GRID2: variants seen among roughly 807,000 people sequenced by gnomAD.
GRID2 encodes the protein glutamate receptor ionotropic, delta-2.
GRID2 carries 33 observed loss-of-function variants against 114.8 expected under a neutral mutation model. That is an observed-to-expected ratio of 0.29 (90% CI 0.22 to 0.38). The LOEUF (loss-of-function observed/expected upper bound fraction) is 0.38. GRID2 is among the 10% of genes least tolerant of loss of function. The pLI is 1.00. For missense variants in GRID2, 1,184 were observed against 1,257.7 expected (o/e 0.94, Z 0.89); for synonymous variants, 505 against 449.9 (o/e 1.12, Z -1.55).
intron 2 of GRID2, among the ~76,000 whole-genome samples, chr4:92,952,371 T>A (rs1578581831): frequency 6.6e-6 from 1 of 152,234 alleles, no homozygotes; most frequent in South Asian, 2.1e-4. Flanking sequence ...TCATTGAGGA[T>A]AATAGATCTC....
chr4:92,452,992 A>G (rs184855682), intron 1 of GRID2, among the ~76,000 whole-genome samples: 2 of 151,136 alleles, frequency 1.3e-5, no homozygotes, highest in Admixed American at 1.3e-4. Context: ...TTGTTAGTCT[A>G]TGTATCCATG....
At chr4:92,650,051 A>G (rs1267529273) in intron 2 of GRID2, among the ~76,000 whole-genome samples, 1 of 152,064 alleles carries the variant, frequency 6.6e-6, no homozygotes, top group Non-Finnish European at 1.5e-5. Context: ...TTGAACCATC[A>G]TAAGCTGGGG....
rs562999046 is a variant in GRID2 at position 93,561,742 on chromosome 4, T to G, written c.2193+46331T>G. On this transcript the variant is annotated intron_variant, in intron 13 of 15. Transcript: ENST00000282020. ...CTGATCTTATTACTGCTTCCATACT[T>G]TTGTCTTTCCCAGAATATCATGCAA... Among the ~76,000 whole-genome samples the G allele has an allele frequency of 3.3e-5, 5 of 152,256 alleles. No individual in the cohort carries two copies. In the East Asian group the frequency reaches 9.7e-4, roughly 29 times the overall value.
At chr4:93,274,658 C>A (rs761809244) in intron 8 of GRID2, among the ~76,000 whole-genome samples, 11 of 151,916 alleles carry the variant, frequency 7.2e-5, no homozygotes, top group Non-Finnish European at 1.5e-4. Context: ...CTTCCATGTA[C>A]CAGTAGGAAC....
At chr4:93,340,505 G>C (rs1290430137) in intron 8 of GRID2, among the ~76,000 whole-genome samples, 1 of 151,958 alleles carries the variant, frequency 6.6e-6, no homozygotes, top group Admixed American at 6.6e-5. Context: ...AATTAGAAGG[G>C]GAGGAGTTTT....
intron 1 of GRID2, among the ~76,000 whole-genome samples, chr4:92,552,487 G>T (rs1195676364): frequency 2.6e-5 from 4 of 152,124 alleles, no homozygotes; most frequent in Non-Finnish European, 4.4e-5. Flanking sequence ...ACTGCAAAAT[G>T]GTGTGAAGTA....
At chr4:93,056,355 T>G (rs1042025297) in intron 2 of GRID2, among the ~76,000 whole-genome samples, 6 of 151,890 alleles carry the variant, frequency 4.0e-5, no homozygotes, top group African/African-American at 1.4e-4. Flanking sequence ...TTCACTTGAT[T>G]ATAAAGCTCC....
In GRID2 at chr4:93,515,408, A is replaced by T; in HGVS notation, c.2190A>T (p.Gln730His). 6.3e-7 allele frequency: 1 copy of T among 1,599,922 alleles called. No individual in the cohort carries two copies. Among genetic ancestry groups the T allele is most frequent in the Non-Finnish European group, 8.6e-7 (1 of 1,167,788 alleles). Residue 730 changes from glutamine to histidine, a missense_variant, in exon 13 of 16, where the codon CAA (glutamine) becomes CAT (histidine). This residue lies in a region of GRID2 where 717 missense variants were observed against 796.9 expected (regional missense o/e 0.90). Transcript: ENST00000282020. The stretch of plus-strand genomic sequence containing the variant: ...TTCTGGAGTCCCAGGCAGGCATTCA[A>T]AAGGTACTGTCCATGGTTCTCCTTT... Reference protein sequence around the residue: ...NNVLESQAGIQKVKYGNYAFV... With the variant: ...NNVLESQAGIHKVKYGNYAFV...
chr4:93,060,289 T>C (rs572691831), intron 2 of GRID2, among the ~76,000 whole-genome samples: 2 of 152,064 alleles, frequency 1.3e-5, no homozygotes, highest in African/African-American at 4.8e-5. Flanking sequence ...TTTGGAAAAA[T>C]AAAAAATTGG....
chr4:92,514,425 T>G (rs370102244), intron 1 of GRID2, among the ~76,000 whole-genome samples: 4 of 151,842 alleles, frequency 2.6e-5, no homozygotes, highest in African/African-American at 9.7e-5. Flanking sequence ...TTTAGGTAAT[T>G]TACATACATT....
At chr4:93,143,218 A>G (rs1003112192) in intron 4 of GRID2, among the ~76,000 whole-genome samples, 3 of 152,228 alleles carry the variant, frequency 2.0e-5, no homozygotes, top group African/African-American at 7.2e-5. Context: ...AATATATGTT[A>G]AAACCACTTG....
At chr4:93,333,843 T>C (rs1250618506) in intron 8 of GRID2, among the ~76,000 whole-genome samples, 1 of 150,270 alleles carries the variant, frequency 6.7e-6, no homozygotes, top group Non-Finnish European at 1.5e-5. Context: ...TCTTTTTATC[T>C]TGTATTTAAG....
chr4:93,647,138 T>A (rs1198678086), intron 14 of GRID2, among the ~76,000 whole-genome samples: 1 of 152,158 alleles, frequency 6.6e-6, no homozygotes, highest in Non-Finnish European at 1.5e-5. Context: ...TTAGTAGTTA[T>A]TAAGGGATGC....
Position 93,029,952 on chromosome 4 carries a change from G to C in GRID2, c.245-55043G>C, listed in dbSNP as rs921867456. 3.5e-4 allele frequency among the ~76,000 whole-genome samples: 53 copies of C among 152,170 alleles called. 1 individual carries two copies. Among genetic ancestry groups the C allele is most frequent in the African/African-American group, 1.3e-3 (52 of 41,454 alleles). Reference sequence around the variant, plus strand: ...AAATAAAACTGCATGAGGGCTAACAGCTGCTCTTAGAGTACTGCATGTCCC... The same window carrying C: ...AAATAAAACTGCATGAGGGCTAACACCTGCTCTTAGAGTACTGCATGTCCC... On this transcript the variant is annotated intron_variant, in intron 2 of 15. Transcript: ENST00000282020.
chr4:93,088,475 T>G (rs1730514733), intron 3 of GRID2, among the ~76,000 whole-genome samples: 1 of 152,106 alleles, frequency 6.6e-6, no homozygotes, highest in African/African-American at 2.4e-5. Context: ...AATAGTGGAT[T>G]AAGTGTTATG....
At chr4:93,081,106 A>T (rs550982625) in intron 2 of GRID2, among the ~76,000 whole-genome samples, 13 of 145,522 alleles carry the variant, frequency 8.9e-5, no homozygotes, top group Non-Finnish European at 1.6e-4. Context: ...ACTTTGGGGG[A>T]CACATTCCAA....
Position 93,145,644 on chromosome 4 carries a change from CTTTTTTTTTTTTTTTTTTTTTT to C in GRID2, c.735+34701_735+34722del, listed in dbSNP as rs10605313. On this transcript the variant is annotated intron_variant, in intron 4 of 15. Coordinates refer to ENST00000282020, the MANE Select transcript of GRID2 (RefSeq NM_001510.4). ...CAGCTAGTTTTGTATTTCTTTTTTC[CTTTTTTTTTTTTTTTTTTTTTT>C]TTTTTTTTTAGTAGAGATGGCGTTT... is the stretch of plus-strand genomic sequence containing the variant. 1.1e-4 allele frequency among the ~76,000 whole-genome samples: 5 copies of C among 45,708 alleles called. No homozygotes were observed. The East Asian group carries it at 3.7e-3, about 34-fold the overall frequency. 30.0% of individuals were successfully genotyped at this position (45,708 alleles called of 152,430 possible).
At chr4:92,490,171 ATGT>A (rs1723085254) in intron 1 of GRID2, among the ~76,000 whole-genome samples, 1 of 152,138 alleles carries the variant, frequency 6.6e-6, no homozygotes, top group Non-Finnish European at 1.5e-5. Flanking sequence ...TTTTGGCTCT[ATGT>A]TCTGTATTCA....
At chr4:92,788,595 A>G (rs1739429488) in intron 2 of GRID2, among the ~76,000 whole-genome samples, 2 of 152,008 alleles carry the variant, frequency 1.3e-5, no homozygotes, top group African/African-American at 4.8e-5. Flanking sequence ...ATCCTCATCA[A>G]TACTTAGTAT....
Sources: gnomAD v4.1 joint callset for allele counts (sites outside exome capture counted in the v4.1 genomes callset) on GRCh38, gnomAD v4.1.1 for gene constraint, gnomAD v4.1.1 regional missense constraint, MANE v1.5 for transcripts, NCBI Gene and HGNC (gene_info 2026-07-23, HGNC 2026-07-21) for gene names.